DST: variants seen among roughly 807,000 people sequenced by gnomAD.
DST encodes bullous pemphigoid antigen.
A neutral mutation model predicts 875.2 loss-of-function variants in DST; 253 were observed. That is an observed-to-expected ratio of 0.29 (90% CI 0.26 to 0.32). The LOEUF (loss-of-function observed/expected upper bound fraction) is 0.32. Among genes scored for constraint, DST ranks in the 10% least tolerant of loss-of-function variants. The pLI, the probability that DST is intolerant of heterozygous loss-of-function variation, is 1.00. For synonymous variants in DST, 3,124 were observed against 3,197.1 expected, an observed-to-expected ratio of 0.98 and a Z score of 0.77; for missense variants, 8,287 against 9,111.6, an observed-to-expected ratio of 0.91 and a Z score of 3.68.
At position 56,557,497 on chromosome 6, in the gene DST, T is replaced by C; in HGVS notation, c.14462A>G (p.Asn4821Ser). 1.2e-6 allele frequency: 2 copies of C among 1,612,380 alleles called. No individual in the cohort carries two copies. Among genetic ancestry groups the C allele is most frequent in the Non-Finnish European group, 1.7e-6 (2 of 1,179,182 alleles). ...TTGTTGTCTATCAATTGTTAATTGA[T>C]TGAGTTCTTGCCACTTAGAATCTAA... ...TEIDSKWQEL[N>S]QLTIDRQQKL... The change falls in exon 59 of 104, where the codon AAT becomes AGT. Residue 4821 changes from asparagine to serine, a missense_variant. Asn to Ser is a conservative substitution (Grantham distance 46, BLOSUM62 1). Around this residue, in one of 10 missense-constraint regions of DST, gnomAD observed 1,513 missense variants for 1,677.8 expected, o/e 0.90. Transcript: ENST00000680361.
intron 4 of DST, among the ~76,000 whole-genome samples, chr6:56,786,037 C>G (rs527768641): frequency 6.6e-6 from 1 of 152,288 alleles, no homozygotes; most frequent in African/African-American, 2.4e-5. Context: ...TCTCTGAGGG[C>G]TCATTTTCAT....
At chr6:56,532,698 C>G (rs939922138) in intron 63 of DST, among the ~76,000 whole-genome samples, 188 bp from the exon 64 acceptor site, 2 of 152,144 alleles carry the variant, frequency 1.3e-5, no homozygotes, top group Non-Finnish European at 2.9e-5. Flanking sequence ...TTGGGTCAGA[C>G]ACTGTGGCAG....
At chr6:56,670,851 C>T (rs1360499771) in intron 9 of DST, 44 bp from the exon 10 acceptor site, 1 of 1,385,496 alleles carries the variant, frequency 7.2e-7, no homozygotes, top group Non-Finnish European at 9.7e-7. Context: ...AGGAAGGAAG[C>T]TAACTCAGAT....
At chr6:56,916,790 A>T (rs1366836547) in intron 2 of DST, among the ~76,000 whole-genome samples, 19 of 141,402 alleles carry the variant, frequency 1.3e-4, no homozygotes, top group South Asian at 4.5e-4. Context: ...ACACACACAC[A>T]CACACACACA....
chr6:56,505,149 A>G (rs2096269613), intron 77 of DST, among the ~76,000 whole-genome samples: 2 of 152,234 alleles, frequency 1.3e-5, no homozygotes, highest in Non-Finnish European at 2.9e-5. Flanking sequence ...GAAAATTAGC[A>G]TCCAGAGCTT....
chr6:56,823,652 G>A (rs979778075), intron 4 of DST, among the ~76,000 whole-genome samples: 1 of 151,826 alleles, frequency 6.6e-6, no homozygotes, highest in African/African-American at 2.4e-5. Flanking sequence ...CTTGTGATCC[G>A]CCCACCTCGG....
chr6:56,658,758 C>T (rs1462600301), intron 10 of DST, among the ~76,000 whole-genome samples: 1 of 152,174 alleles, frequency 6.6e-6, no homozygotes, highest in African/African-American at 2.4e-5. Context: ...GGAAGTAAGG[C>T]ACTGAGAACA....
At chr6:56,559,983 A>G (rs1347779100) in intron 58 of DST, among the ~76,000 whole-genome samples, 3 of 152,112 alleles carry the variant, frequency 2.0e-5, no homozygotes, top group South Asian at 4.1e-4. Context: ...AAAGCATAAT[A>G]AAGCACCAAA....
chr6:56,567,429 T>TAA (rs61119609), intron 55 of DST, among the ~76,000 whole-genome samples: 5,434 of 104,742 alleles, frequency 0.052, 158 homozygotes, highest in African/African-American at 0.075. Flanking sequence ...TTACCAAGAG[T>TAA]AAAAAAAAAA....
chr6:56,694,389 G>A (rs139629339), intron 9 of DST, among the ~76,000 whole-genome samples: 3,103 of 152,200 alleles, frequency 0.02, 36 homozygotes, highest in Middle Eastern at 0.034. Context: ...AGTTAGCAAT[G>A]ATACTGTAGA....
At chr6:56,948,813 T>C (rs1287452361) in intron 2 of DST, among the ~76,000 whole-genome samples, 2 of 152,244 alleles carry the variant, frequency 1.3e-5, no homozygotes, top group Non-Finnish European at 2.9e-5. Context: ...TGCTTTTTTC[T>C]TTACCTGCCT....
intron 5 of DST, among the ~76,000 whole-genome samples, chr6:56,710,761 G>A (rs2099360030): frequency 6.6e-6 from 1 of 152,078 alleles, no homozygotes; most frequent in Admixed American, 6.6e-5. Flanking sequence ...ACTTCTTCAG[G>A]AGTTGTGAAA....
At chr6:56,689,582 T>C (rs893818243) in intron 9 of DST, among the ~76,000 whole-genome samples, 4 of 152,214 alleles carry the variant, frequency 2.6e-5, no homozygotes, top group South Asian at 2.1e-4. Context: ...AGGATTCTCC[T>C]GCAGGGACCC....
chr6:56,767,554 T>A (rs2099636847), intron 4 of DST, among the ~76,000 whole-genome samples: 1 of 151,920 alleles, frequency 6.6e-6, no homozygotes, highest in Non-Finnish European at 1.5e-5. Flanking sequence ...GAGGCGGAAG[T>A]TGCAGTGAGC....
At chr6:56,574,755 T>C (rs985132076) in intron 50 of DST, among the ~76,000 whole-genome samples, 4 of 152,200 alleles carry the variant, frequency 2.6e-5, no homozygotes, top group Non-Finnish European at 5.9e-5. Flanking sequence ...TGGTTTTTAA[T>C]GTATTCATCT....
chr6:56,887,555 T>C (rs962719421), intron 3 of DST, among the ~76,000 whole-genome samples: 2 of 152,208 alleles, frequency 1.3e-5, no homozygotes, highest in East Asian at 1.9e-4. Flanking sequence ...CTTTGATCCA[T>C]AGTTGTCCAT....
chr6:56,794,817 T>G (rs1030717530), intron 4 of DST, among the ~76,000 whole-genome samples: 9 of 152,094 alleles, frequency 5.9e-5, no homozygotes, highest in Non-Finnish European at 1.3e-4. Context: ...CCAAATCAGC[T>G]TCCAAAAGTG....
At chr6:56,548,125 A>C (rs1021174466) in intron 61 of DST, among the ~76,000 whole-genome samples, 1 of 143,754 alleles carries the variant, frequency 7.0e-6, no homozygotes, top group Non-Finnish European at 1.6e-5. Context: ...GCCACACTGG[A>C]AGAAGAAGAG....
intron 23 of DST, among the ~76,000 whole-genome samples, chr6:56,636,238 A>T (rs4715636): frequency 0.94 from 138,802 of 147,216 alleles, 65,229 homozygotes; most frequent in South Asian, 0.99. Flanking sequence ...CAATTCACAT[A>T]TATATATATA....
Sources: gnomAD v4.1 joint callset for allele counts (sites outside exome capture counted in the v4.1 genomes callset) on GRCh38, gnomAD v4.1.1 for gene constraint, gnomAD v4.1.1 regional missense constraint, MANE v1.5 for transcripts, NCBI Gene and HGNC (gene_info 2026-07-23, HGNC 2026-07-21) for gene names.